Variants in RNF115 observed in about 807,000 individuals in gnomAD.
RNF115 encodes E3 ubiquitin-protein ligase RNF115.
Under a neutral mutation model 39.2 loss-of-function variants are expected in RNF115, and 31 were observed. The observed-to-expected ratio is 0.79, with a 90% CI of 0.59 to 1.07. The LOEUF is 1.07. Among genes scored for constraint, RNF115 ranks in the 50% least tolerant of loss-of-function variants. RNF115 has a pLI of 0.00. For synonymous variants in RNF115, 124 were observed against 131.0 expected (o/e 0.95, Z 0.37); for missense variants, 384 against 381.7 (o/e 1.01, Z -0.05).
chr1:145,758,792 T>C (rs1277704307), intron 4 of RNF115, among the ~76,000 whole-genome samples: 1 of 152,224 alleles, frequency 6.6e-6, no homozygotes, highest in Non-Finnish European at 1.5e-5. Context: ...GTTAGTCCCA[T>C]GTTTTTGTAG....
At chr1:145,793,220 G>A (rs1304093607) in intron 1 of RNF115, among the ~76,000 whole-genome samples, 1 of 152,182 alleles carries the variant, frequency 6.6e-6, no homozygotes. Context: ...TGGAGGCTGA[G>A]GCCAAAGGAT....
intron 4 of RNF115, among the ~76,000 whole-genome samples, chr1:145,763,343 G>C (rs1294648605): frequency 6.6e-6 from 1 of 152,060 alleles, no homozygotes; most frequent in African/African-American, 2.4e-5. Flanking sequence ...TATATAACCA[G>C]GAAGGAGACT....
rs1553724933 is a variant in RNF115 at position 145,823,810 on chromosome 1, A to C, written c.64T>G (p.Cys22Gly). Residue 22 changes from cysteine to glycine, a missense_variant, in exon 1 of 9, where the codon TGC becomes GGC. Coordinates refer to ENST00000582693, the MANE Select transcript of RNF115 (RefSeq NM_014455.4). Reference sequence around the variant, plus strand: ...CTGACCTCGCCCTTGCAAAAGTGGCAGAAAAACCGGTGGGCGGCTACAGCG... The same window carrying C: ...CTGACCTCGCCCTTGCAAAAGTGGCCGAAAAACCGGTGGGCGGCTACAGCG... ...GAAVAAHRFF[C>G]HFCKGEVSPK... 1 of 1,587,122 alleles carries C rather than the reference A, an allele frequency of 6.3e-7. No individual in the cohort carries two copies.
intron 4 of RNF115, among the ~76,000 whole-genome samples, chr1:145,763,576 G>A (rs1658615375): frequency 6.6e-6 from 1 of 152,146 alleles, no homozygotes; most frequent in South Asian, 2.1e-4. Context: ...GCTCATGCCT[G>A]TAGTCCCAGC....
At chr1:145,811,932 T>TATACACAC (rs1465945929) in intron 1 of RNF115, among the ~76,000 whole-genome samples, 9 of 74,638 alleles carry the variant, frequency 1.2e-4, no homozygotes, top group African/African-American at 3.2e-4. Flanking sequence ...TATATATATA[T>TATACACAC]ACACACACAC....
chr1:145,799,970 G>C (rs1553720655), intron 1 of RNF115, among the ~76,000 whole-genome samples: 2 of 152,176 alleles, frequency 1.3e-5, no homozygotes, highest in African/African-American at 2.4e-5. Context: ...TATCATGAAA[G>C]TATGCTGGAT....
intron 3 of RNF115, chr1:145,772,165 G>A (rs1647674267): frequency 5.2e-6 from 2 of 382,672 alleles, no homozygotes; most frequent in African/African-American, 2.0e-5. Flanking sequence ...CCCACCAAGT[G>A]TTTAAGAGTT....
intron 2 of RNF115, among the ~76,000 whole-genome samples, chr1:145,786,134 C>A (rs1199431595): frequency 1.3e-5 from 2 of 152,128 alleles, no homozygotes; most frequent in Non-Finnish European, 2.9e-5. Flanking sequence ...CCTTAAAATT[C>A]CTTTAAAGAA....
intron 1 of RNF115, among the ~76,000 whole-genome samples, chr1:145,814,140 G>T (rs1649855607): frequency 6.6e-6 from 1 of 150,792 alleles, no homozygotes; most frequent in Non-Finnish European, 1.5e-5. Context: ...CGGGTGTGGT[G>T]GTACAGCTAG....
At chr1:145,807,497 T>C (rs587757265) in intron 1 of RNF115, among the ~76,000 whole-genome samples, 32 of 152,330 alleles carry the variant, frequency 2.1e-4, no homozygotes, top group Non-Finnish European at 3.8e-4. Context: ...TAAACTAAGG[T>C]TGAAAAATTC....
At chr1:145,790,196 A>G (rs1354279264) in intron 1 of RNF115, among the ~76,000 whole-genome samples, 2 of 152,076 alleles carry the variant, frequency 1.3e-5, no homozygotes, top group Non-Finnish European at 2.9e-5. Flanking sequence ...GCTGGAGTGC[A>G]ATGGTGCGAT....
intron 1 of RNF115, among the ~76,000 whole-genome samples, chr1:145,810,840 C>G (rs1649661832): frequency 6.8e-6 from 1 of 146,400 alleles, no homozygotes; most frequent in African/African-American, 2.6e-5. Flanking sequence ...GTATAAGCAC[C>G]AAGTCCTTCT....
Position 145,746,633 on chromosome 1 carries a change from C to T in RNF115, c.*233G>A. 2.1e-6 allele frequency: 1 copy of T among 474,062 alleles called. No individual in the cohort carries two copies. Among genetic ancestry groups the T allele is most frequent in the East Asian group, 3.6e-5 (1 of 27,674 alleles). The allele number at this position is 474,062 out of a possible 1,614,324, so 29.4% of individuals were successfully genotyped here. A position where few individuals can be genotyped will look rare whatever the true frequency, so the allele number is the denominator to read the frequency against. On this transcript the variant is annotated 3_prime_UTR_variant, in exon 9 of 9. Coordinates refer to ENST00000582693, the MANE Select transcript of RNF115 (RefSeq NM_014455.4). Reference sequence around the variant, plus strand: ...GGGAGCCCTACATAATTAAGTTTCACACTTATAAAATTATCACTCTGAATT... The same window carrying T: ...GGGAGCCCTACATAATTAAGTTTCATACTTATAAAATTATCACTCTGAATT...
chr1:145,812,766 G>A (rs587652374), intron 1 of RNF115, among the ~76,000 whole-genome samples: 2 of 151,930 alleles, frequency 1.3e-5, no homozygotes, highest in South Asian at 2.1e-4. Context: ...AAAATCACTG[G>A]CGCCAACTCA....
At chr1:145,766,007 T>C (rs1236581652) in intron 4 of RNF115, among the ~76,000 whole-genome samples, 1 of 152,134 alleles carries the variant, frequency 6.6e-6, no homozygotes, top group Non-Finnish European at 1.5e-5. Context: ...TTTTTCTTTT[T>C]TTTTTTTTTA....
At position 145,740,416 on chromosome 1, in the gene RNF115, T is replaced by C. The variant is rs782778867; in HGVS notation, c.*6450A>G. The stretch of plus-strand genomic sequence containing the variant: ...CACTTTGTACATACCAACTGAGTCT[T>C]GCTTCTAAAGAGTTTATTTACTCTG... On this transcript the variant is annotated 3_prime_UTR_variant, in exon 9 of 9. Coordinates refer to ENST00000582693, the MANE Select transcript of RNF115 (RefSeq NM_014455.4). 7.2e-5 allele frequency: 11 copies of C among 152,266 alleles called. No homozygotes were observed. Among genetic ancestry groups the C allele is most frequent in the Non-Finnish European group, 1.5e-4 (10 of 68,044 alleles). 9.4% of individuals were successfully genotyped at this position (152,266 alleles called of 1,614,324 possible). A position where few individuals can be genotyped will look rare whatever the true frequency, so the allele number is the denominator to read the frequency against.
intron 4 of RNF115, among the ~76,000 whole-genome samples, chr1:145,764,493 C>A (rs1264573769): frequency 6.6e-6 from 1 of 152,002 alleles, no homozygotes; most frequent in East Asian, 1.9e-4. Flanking sequence ...GCCGCGACCC[C>A]GTCTGGGAGG....
At chr1:145,794,549 G>A (rs12758069) in intron 1 of RNF115, among the ~76,000 whole-genome samples, 71,931 of 129,944 alleles carry the variant, frequency 0.55, 20,694 homozygotes, top group African/African-American at 0.75. Flanking sequence ...TCACTCTGAC[G>A]CACAGGCTGG....
chr1:145,778,519 AGAT>A (rs1173145797), intron 3 of RNF115, among the ~76,000 whole-genome samples: 1 of 152,230 alleles, frequency 6.6e-6, no homozygotes, highest in Non-Finnish European at 1.5e-5. Flanking sequence ...GAGTGTATAA[AGAT>A]GAGTCAATTA....
Sources: allele counts gnomAD v4.1 joint callset (sites outside exome capture counted in the v4.1 genomes callset), GRCh38; gene constraint gnomAD v4.1.1; transcripts MANE v1.5; gene names NCBI Gene and HGNC (gene_info 2026-07-23, HGNC 2026-07-21).